The following PATJ variants were observed in gnomAD, a reference collection of about 807,000 sequenced individuals.
The protein encoded by PATJ is PATJ crumbs cell polarity complex component, also known as inaD-like protein.
Under a neutral mutation model 224.9 loss-of-function variants are expected in PATJ, and 190 were observed. That is an observed-to-expected ratio of 0.84 (90% CI 0.75 to 0.95). PATJ has a LOEUF of 0.95. Among genes scored for constraint, PATJ ranks in the 40% least tolerant of loss-of-function variants. The pLI, the probability that PATJ is intolerant of heterozygous loss-of-function variation, is 0.00. For synonymous variants in PATJ, 769 were observed against 820.3 expected, an observed-to-expected ratio of 0.94 and a Z score of 1.07; for missense variants, 2,121 against 2,270.3, an observed-to-expected ratio of 0.93 and a Z score of 1.34.
At chr1:61,770,696 CT>C (rs1646550157) in intron 5 of PATJ, among the ~76,000 whole-genome samples, 1 of 151,918 alleles carries the variant, frequency 6.6e-6, no homozygotes. Context: ...AATCCCAGCA[CT>C]TTGGGAGTTC....
intron 16 of PATJ, among the ~76,000 whole-genome samples, chr1:61,830,695 G>T (rs1164425419): frequency 6.6e-6 from 1 of 152,032 alleles, no homozygotes. Context: ...ATAGACCAAT[G>T]GAACAGGTTA....
chr1:61,761,838 A>C (rs935240973), intron 1 of PATJ, among the ~76,000 whole-genome samples: 2 of 151,988 alleles, frequency 1.3e-5, no homozygotes, highest in African/African-American at 4.8e-5. Context: ...GGTATGTGCC[A>C]CCATGGGTGG....
chr1:61,896,249 T>C (rs1037386954), intron 22 of PATJ, among the ~76,000 whole-genome samples: 3 of 150,842 alleles, frequency 2.0e-5, no homozygotes, highest in Non-Finnish European at 4.4e-5. Context: ...TGACCCAAGA[T>C]TGCACCACTG....
At chr1:62,134,389 A>G (rs1666604091) in intron 41 of PATJ, among the ~76,000 whole-genome samples, 1 of 130,752 alleles carries the variant, frequency 7.6e-6, no homozygotes, top group African/African-American at 2.9e-5. Flanking sequence ...CTTGTTGCCC[A>G]GGCTGGAGTG....
intron 27 of PATJ, among the ~76,000 whole-genome samples, chr1:61,986,431 A>G (rs1644759891): frequency 6.6e-6 from 1 of 151,910 alleles, no homozygotes; most frequent in Non-Finnish European, 1.5e-5. Context: ...TTATTTATTT[A>G]CTTTTAGAGA....
chr1:61,773,659 T>C (rs975238503), intron 6 of PATJ, among the ~76,000 whole-genome samples: 10 of 152,054 alleles, frequency 6.6e-5, no homozygotes, highest in Non-Finnish European at 1.0e-4. Flanking sequence ...TGGTGGTGCA[T>C]GCTTGTAATC....
intron 34 of PATJ, 57 bp downstream of exon 34, chr1:62,108,577 G>C: frequency 9.7e-7 from 1 of 1,029,960 alleles, no homozygotes; most frequent in Non-Finnish European, 1.5e-6. Context: ...TGCTGGTCTC[G>C]ATCCATAAAG....
intron 33 of PATJ, among the ~76,000 whole-genome samples, chr1:62,097,352 C>G (rs1008693589): frequency 6.6e-6 from 1 of 152,176 alleles, no homozygotes; most frequent in Non-Finnish European, 1.5e-5. Flanking sequence ...TTTTATGCAG[C>G]TCTTTCCAGA....
At chr1:61,931,259 A>G (rs1215324193) in intron 27 of PATJ, among the ~76,000 whole-genome samples, 1 of 152,232 alleles carries the variant, frequency 6.6e-6, no homozygotes, top group Non-Finnish European at 1.5e-5. Flanking sequence ...GGCAGGGAAC[A>G]TGGCTGTTGC....
chr1:62,072,391 T>C (rs1657572272), intron 31 of PATJ: 1 of 152,110 alleles, frequency 6.6e-6, no homozygotes, highest in Non-Finnish European at 1.5e-5. Context: ...TTTATAGGGA[T>C]ATTAGTGTAA....
At chr1:62,107,469 A>G (rs867772350) in intron 33 of PATJ, among the ~76,000 whole-genome samples, 12 of 152,308 alleles carry the variant, frequency 7.9e-5, no homozygotes, top group African/African-American at 4.8e-5. Context: ...GAAGAATTTC[A>G]AAGCTTGACT....
At chr1:62,015,303 C>CAA (rs563927196) in intron 28 of PATJ, among the ~76,000 whole-genome samples, 1 of 135,478 alleles carries the variant, frequency 7.4e-6, no homozygotes, top group East Asian at 2.1e-4. Flanking sequence ...GACTCTGTCT[C>CAA]AAAAAAAAAA....
intron 18 of PATJ, among the ~76,000 whole-genome samples, chr1:61,857,154 A>T (rs1433218486): frequency 6.6e-6 from 1 of 152,164 alleles, no homozygotes; most frequent in Admixed American, 6.5e-5. Context: ...CATTACAGTT[A>T]TGGTGCTCTG....
At chr1:61,931,269 C>A (rs1675990837) in intron 27 of PATJ, among the ~76,000 whole-genome samples, 1 of 152,046 alleles carries the variant, frequency 6.6e-6, no homozygotes, top group Non-Finnish European at 1.5e-5. Flanking sequence ...ATGGCTGTTG[C>A]TCTCATTAGC....
intron 41 of PATJ, among the ~76,000 whole-genome samples, chr1:62,136,545 G>A (rs186681713): frequency 8.6e-4 from 130 of 150,694 alleles, no homozygotes; most frequent in African/African-American, 2.9e-3. Flanking sequence ...AGCTTTCTCA[G>A]GGATCACCTT....
intron 17 of PATJ, among the ~76,000 whole-genome samples, chr1:61,841,355 T>C (rs1383588494): frequency 6.6e-6 from 1 of 152,176 alleles, no homozygotes; most frequent in African/African-American, 2.4e-5. Flanking sequence ...ACTGTCTTCA[T>C]GTTCATCTTA....
At chr1:61,969,060 C>T (rs1682575422) in intron 27 of PATJ, among the ~76,000 whole-genome samples, 1 of 152,152 alleles carries the variant, frequency 6.6e-6, no homozygotes. Context: ...ACAGGGTTTT[C>T]TTCCTTTTGA....
At chr1:61,896,452 A>C (rs1391260514) in intron 22 of PATJ, among the ~76,000 whole-genome samples, 1 of 152,014 alleles carries the variant, frequency 6.6e-6, no homozygotes, top group Non-Finnish European at 1.5e-5. Flanking sequence ...GGAATAACTA[A>C]CTTGTTTTTG....
At chr1:61,988,897 G>A (rs920828524) in intron 27 of PATJ, among the ~76,000 whole-genome samples, 9 of 152,216 alleles carry the variant, frequency 5.9e-5, no homozygotes, top group African/African-American at 1.9e-4. Context: ...GACAGCAAAT[G>A]TAATATAAGT....
Sources: gnomAD v4.1 joint callset for allele counts (sites outside exome capture counted in the v4.1 genomes callset) on GRCh38, gnomAD v4.1.1 for gene constraint, MANE v1.5 for transcripts, NCBI Gene and HGNC (gene_info 2026-07-23, HGNC 2026-07-21) for gene names.